The following SPON1 variants were observed in gnomAD, a reference collection of about 807,000 sequenced individuals.
The protein encoded by SPON1 is spondin-1.
A neutral mutation model predicts 111.7 loss-of-function variants in SPON1; 52 were observed. That is an observed-to-expected ratio of 0.47 (90% confidence interval 0.37 to 0.59). The LOEUF is 0.59. Among genes scored for constraint, SPON1 ranks in the 20% least tolerant of loss-of-function variants. The pLI is 0.00. For synonymous variants in SPON1, 410 were observed against 395.8 expected (o/e 1.04, Z -0.43); for missense variants, 957 against 1,068.5 (o/e 0.90, Z 1.46).
intron 6 of SPON1, among the ~76,000 whole-genome samples, chr11:14,162,733 C>G (rs2133876814): frequency 6.6e-6 from 1 of 152,284 alleles, no homozygotes; most frequent in Middle Eastern, 3.4e-3. Flanking sequence ...AGCACAATGT[C>G]AGAATAACTG....
chr11:14,165,809 C>T (rs1474244643), intron 6 of SPON1, among the ~76,000 whole-genome samples: 4 of 152,180 alleles, frequency 2.6e-5, no homozygotes, highest in Non-Finnish European at 5.9e-5. Context: ...TTTACTCTTA[C>T]TGTACTTGGC....
chr11:14,012,544 T>A (rs1554913842), intron 2 of SPON1, among the ~76,000 whole-genome samples: 1 of 152,172 alleles, frequency 6.6e-6, no homozygotes, highest in Non-Finnish European at 1.5e-5. Flanking sequence ...CATAAATGCA[T>A]CATCACATAC....
At chr11:14,227,049 A>G (rs1174887025) in intron 6 of SPON1, among the ~76,000 whole-genome samples, 4 of 152,214 alleles carry the variant, frequency 2.6e-5, no homozygotes, top group East Asian at 1.9e-4. Context: ...ATCATTAACA[A>G]TATCTGCAAG....
chr11:14,259,232 C>G lies in SPON1; in HGVS notation c.1493-48C>G. On this transcript the variant is annotated intron_variant, in intron 11 of 15. Coordinates refer to ENST00000576479, the MANE Select transcript of SPON1 (RefSeq NM_006108.4). This position sits in a 1 kb window ranked among gnomAD's most constrained non-coding sequence, Gnocchi z 5.0. ...AGTTCCCACCGCGCAGCCTGGCAGGCGCCCCTGCCACCGTGCACTGCTGCA... is the reference window on the plus strand; with the variant it reads ...AGTTCCCACCGCGCAGCCTGGCAGGGGCCCCTGCCACCGTGCACTGCTGCA... 2 of 1,513,346 alleles carry G rather than the reference C, an allele frequency of 1.3e-6. No individual in the cohort carries two copies. The highest frequency in any genetic ancestry group is 1.8e-6 in the Non-Finnish European group (2 of 1,126,676). The allele number at this position is 1,513,346 out of a possible 1,614,324, so 93.7% of individuals were successfully genotyped here.
At chr11:14,214,341 A>G (rs1278075359) in intron 6 of SPON1, among the ~76,000 whole-genome samples, 1 of 152,130 alleles carries the variant, frequency 6.6e-6, no homozygotes, top group Non-Finnish European at 1.5e-5. Flanking sequence ...CCTGGCCCCA[A>G]GTAAGATGAT....
Position 14,237,088 on chromosome 11 carries a change from T to C in SPON1, c.826-6244T>C, listed in dbSNP as rs16913752. ...GAGGGGAGGCTACTGTTGGGCACAA[T>C]TGGTTTTAAAGATGCTTACAGCCCC... On this transcript the variant is annotated intron_variant, in intron 6 of 15. Coordinates refer to ENST00000576479, the MANE Select transcript of SPON1 (RefSeq NM_006108.4). Among the ~76,000 whole-genome samples the C allele has an allele frequency of 5.1e-3, 770 of 152,302 alleles. 20 individuals carry two copies. The East Asian group carries it at 0.079, about 16-fold the overall frequency.
At chr11:13,971,923 GTAC>G (rs1848066030) in intron 1 of SPON1, among the ~76,000 whole-genome samples, 1 of 152,144 alleles carries the variant, frequency 6.6e-6, no homozygotes, top group African/African-American at 2.4e-5. Flanking sequence ...TGACTTGCTT[GTAC>G]TTCTCTGCCA....
At chr11:14,210,419 A>T (rs1591412504) in intron 6 of SPON1, among the ~76,000 whole-genome samples, 1 of 140,968 alleles carries the variant, frequency 7.1e-6, no homozygotes. Flanking sequence ...GTTTTTGTCG[A>T]AGTCTCACTC....
chr11:14,057,317 T>A (rs530652125), intron 3 of SPON1, among the ~76,000 whole-genome samples: 62 of 152,294 alleles, frequency 4.1e-4, no homozygotes, highest in African/African-American at 1.4e-3. Flanking sequence ...TGAGGAAACA[T>A]CAGACAAGCT....
intron 6 of SPON1, among the ~76,000 whole-genome samples, chr11:14,237,944 G>T (rs1344143290): frequency 6.6e-6 from 1 of 152,184 alleles, no homozygotes. Context: ...GTTCATGGTG[G>T]CAACGGGTGT....
chr11:13,986,666 A>C (rs782668241), intron 2 of SPON1, among the ~76,000 whole-genome samples: 6 of 151,928 alleles, frequency 3.9e-5, no homozygotes, highest in Admixed American at 3.3e-4. Flanking sequence ...TGCACTCATA[A>C]ACCCGTCACC....
At chr11:14,221,430 C>T (rs1848679203) in intron 6 of SPON1, among the ~76,000 whole-genome samples, 1 of 152,208 alleles carries the variant, frequency 6.6e-6, no homozygotes, top group African/African-American at 2.4e-5. Flanking sequence ...AAACCTAGGC[C>T]TGTCTTAATT....
chr11:14,251,418 A>G (rs1472263859), intron 7 of SPON1, among the ~76,000 whole-genome samples: 1 of 152,190 alleles, frequency 6.6e-6, no homozygotes, highest in African/African-American at 2.4e-5. Flanking sequence ...ATTTACTGAG[A>G]ATGATTTCCA....
chr11:14,241,158 G>A (rs1324011162), intron 6 of SPON1, among the ~76,000 whole-genome samples: 1 of 152,182 alleles, frequency 6.6e-6, no homozygotes, highest in African/African-American at 2.4e-5. Flanking sequence ...TGGAAACGGA[G>A]AAGGAGACAG....
chr11:14,184,919 T>A (rs1848270490), intron 6 of SPON1, among the ~76,000 whole-genome samples: 1 of 152,158 alleles, frequency 6.6e-6, no homozygotes, highest in Non-Finnish European at 1.5e-5. Flanking sequence ...GCCCTCAGAT[T>A]CCGTGGAACC....
chr11:14,031,264 T>A (rs551228216), intron 2 of SPON1, among the ~76,000 whole-genome samples: 1 of 152,332 alleles, frequency 6.6e-6, no homozygotes, highest in African/African-American at 2.4e-5. Context: ...GCTCACTACC[T>A]GGGTGATGGG....
intron 2 of SPON1, among the ~76,000 whole-genome samples, chr11:14,008,737 A>C: frequency 6.6e-6 from 1 of 152,078 alleles, no homozygotes; most frequent in East Asian, 1.9e-4. Flanking sequence ...CAGGAACCTT[A>C]AATGGCCAAT....
intron 5 of SPON1, among the ~76,000 whole-genome samples, chr11:14,130,646 T>C (rs1306602946): frequency 8.5e-5 from 13 of 152,142 alleles, no homozygotes; most frequent in Admixed American, 7.2e-4. Context: ...CAGATAAGTG[T>C]ACCTTCAATC....
chr11:13,991,057 T>C (rs1293222593), intron 2 of SPON1, among the ~76,000 whole-genome samples: 1 of 152,170 alleles, frequency 6.6e-6, no homozygotes, highest in Non-Finnish European at 1.5e-5. Flanking sequence ...TGTCTTGGGG[T>C]TGCTCTTCTC....
Sources: allele counts gnomAD v4.1 joint callset (sites outside exome capture counted in the v4.1 genomes callset), GRCh38; gene constraint gnomAD v4.1.1; non-coding constraint Gnocchi (gnomAD v3.1); transcripts MANE v1.5; gene names NCBI Gene and HGNC (gene_info 2026-07-23, HGNC 2026-07-21).